Variants in CNBD1 observed in about 807,000 individuals in gnomAD.
CNBD1 encodes the protein cyclic nucleotide-binding domain-containing protein 1.
In CNBD1, 71 loss-of-function variants were observed where a neutral mutation model predicts 54.4. That is an observed-to-expected ratio of 1.30 (90% CI 1.08 to 1.59). The LOEUF is 1.59. Among genes scored for constraint, CNBD1 ranks in the 40% most tolerant of loss-of-function variants. The pLI, the probability that CNBD1 is intolerant of heterozygous loss-of-function variation, is 0.00. For missense variants in CNBD1, 659 were observed against 518.0 expected, an observed-to-expected ratio of 1.27 and a Z score of -2.64; for synonymous variants, 182 against 170.7, an observed-to-expected ratio of 1.07 and a Z score of -0.51.
intron 5 of CNBD1, among the ~76,000 whole-genome samples, chr8:87,230,113 A>G (rs1029765643): frequency 4.6e-5 from 7 of 152,204 alleles, no homozygotes; most frequent in African/African-American, 1.7e-4. Flanking sequence ...TGAGAGCAGG[A>G]GGAACAGAGA....
chr8:87,018,540 G>A (rs561351489), intron 4 of CNBD1, among the ~76,000 whole-genome samples: 1 of 152,076 alleles, frequency 6.6e-6, no homozygotes, highest in East Asian at 1.9e-4. Flanking sequence ...CATATTTTTA[G>A]TTGGTACCCT....
At chr8:87,239,577 T>A (rs1191065657) in intron 6 of CNBD1, among the ~76,000 whole-genome samples, 1 of 152,148 alleles carries the variant, frequency 6.6e-6, no homozygotes, top group Non-Finnish European at 1.5e-5. Context: ...AAGAAAAAAG[T>A]TATAACATTT....
At chr8:86,877,015 CT>C (rs1193077116) in intron 1 of CNBD1, among the ~76,000 whole-genome samples, 2 of 152,000 alleles carry the variant, frequency 1.3e-5, no homozygotes, top group Non-Finnish European at 2.9e-5. Context: ...GATTTATCAA[CT>C]TTAGAAAATG....
chr8:87,165,087 T>C (rs1054365306), intron 4 of CNBD1, among the ~76,000 whole-genome samples: 7 of 151,920 alleles, frequency 4.6e-5, no homozygotes, highest in Admixed American at 3.9e-4. Flanking sequence ...GAATTTTCCA[T>C]TTTTTCCTAT....
At chr8:87,266,660 C>G (rs1485970795) in intron 6 of CNBD1, among the ~76,000 whole-genome samples, 1 of 151,636 alleles carries the variant, frequency 6.6e-6, no homozygotes, top group Non-Finnish European at 1.5e-5. Context: ...CCATGTTGGT[C>G]AGGCTAGTCT....
chr8:86,886,086 C>A (rs992032641), intron 1 of CNBD1, among the ~76,000 whole-genome samples: 1 of 152,054 alleles, frequency 6.6e-6, no homozygotes, highest in Non-Finnish European at 1.5e-5. Context: ...TTTTCCAAAT[C>A]TCTGTGGCAC....
intron 2 of CNBD1, among the ~76,000 whole-genome samples, chr8:87,405,315 G>T (rs1807634287): frequency 6.6e-6 from 1 of 151,918 alleles, no homozygotes. Flanking sequence ...ATTTCACCTT[G>T]TGGATTAGAA....
intron 5 of CNBD1, among the ~76,000 whole-genome samples, chr8:87,220,172 T>G (rs1307155736): frequency 6.6e-6 from 1 of 152,000 alleles, no homozygotes; most frequent in Non-Finnish European, 1.5e-5. Flanking sequence ...TTAAAGTAAC[T>G]TAATGCTATG....
chr8:87,009,663 T>A (rs1809174898), intron 4 of CNBD1, among the ~76,000 whole-genome samples: 1 of 152,120 alleles, frequency 6.6e-6, no homozygotes, highest in Non-Finnish European at 1.5e-5. Context: ...ACCCATACAT[T>A]TACCCTTTCT....
intron 5 of CNBD1, among the ~76,000 whole-genome samples, chr8:87,225,986 G>A (rs1422699934): frequency 6.6e-6 from 1 of 151,526 alleles, no homozygotes; most frequent in Non-Finnish European, 1.5e-5. Context: ...TATGTGTCAA[G>A]GAATGTATCC....
chr8:86,984,411 G>T (rs1377928814), intron 4 of CNBD1, among the ~76,000 whole-genome samples: 1 of 152,170 alleles, frequency 6.6e-6, no homozygotes, highest in African/African-American at 2.4e-5. Flanking sequence ...GCGCAATCTA[G>T]TGGAGCTGTG....
intron 4 of CNBD1, among the ~76,000 whole-genome samples, chr8:87,081,872 T>A (rs1255137658): frequency 6.6e-6 from 1 of 152,184 alleles, no homozygotes; most frequent in African/African-American, 2.4e-5. Context: ...GGTGTCAATT[T>A]AGTCTCTAAT....
intron 10 of CNBD1, among the ~76,000 whole-genome samples, chr8:87,371,368 T>G (rs1242064575): frequency 6.6e-6 from 1 of 152,052 alleles, no homozygotes; most frequent in Non-Finnish European, 1.5e-5. Flanking sequence ...GAGCATGGAA[T>G]GTTCTTCCAT....
At chr8:87,337,501 G>A (rs1453241063) in intron 8 of CNBD1, among the ~76,000 whole-genome samples, 1 of 152,196 alleles carries the variant, frequency 6.6e-6, no homozygotes, top group Non-Finnish European at 1.5e-5. Flanking sequence ...CTTCAGCAGT[G>A]GTGATGGCCA....
chr8:86,876,710 C>T (rs1022845741), intron 1 of CNBD1, among the ~76,000 whole-genome samples: 2 of 151,530 alleles, frequency 1.3e-5, no homozygotes, highest in Non-Finnish European at 2.9e-5. Context: ...TAACTATATT[C>T]CATAGGTTCA....
At chr8:87,414,558 T>C (rs1480082725) in intron 2 of CNBD1, among the ~76,000 whole-genome samples, 2 of 151,758 alleles carry the variant, frequency 1.3e-5, no homozygotes, top group East Asian at 1.9e-4. Context: ...GTACTGGATA[T>C]ATGTGGGTGG....
intron 3 of CNBD1, among the ~76,000 whole-genome samples, chr8:86,921,587 G>A (rs1809276305): frequency 6.6e-6 from 1 of 152,118 alleles, no homozygotes; most frequent in African/African-American, 2.4e-5. Flanking sequence ...ATCTTACATT[G>A]TGGGAGGCAA....
At chr8:87,375,434 A>G (rs560897195) in intron 10 of CNBD1, among the ~76,000 whole-genome samples, 2 of 152,012 alleles carry the variant, frequency 1.3e-5, no homozygotes, top group Non-Finnish European at 1.5e-5. Context: ...GCCCACCAAG[A>G]GTTAATAGAA....
intron 4 of CNBD1, among the ~76,000 whole-genome samples, chr8:87,137,666 G>T (rs1218022197): frequency 6.6e-6 from 1 of 152,252 alleles, no homozygotes; most frequent in East Asian, 1.9e-4. Flanking sequence ...TAAAGGAGGA[G>T]CAGTGGTTAT....
Sources: gnomAD v4.1 joint callset for allele counts (sites outside exome capture counted in the v4.1 genomes callset) on GRCh38, gnomAD v4.1.1 for gene constraint, MANE v1.5 for transcripts, NCBI Gene and HGNC (gene_info 2026-07-23, HGNC 2026-07-21) for gene names.